The following ANKS6 variants were observed in gnomAD, a reference collection of about 807,000 sequenced individuals.
ANKS6 encodes the protein ankyrin repeat and sterile alpha motif domain containing 6.
A neutral mutation model predicts 77.9 loss-of-function variants in ANKS6; 47 were observed. That is an observed-to-expected ratio of 0.60 (90% CI 0.48 to 0.77). The LOEUF is 0.77. Among genes scored for constraint, ANKS6 ranks in the 30% least tolerant of loss-of-function variants. ANKS6 has a pLI of 0.00. For synonymous variants in ANKS6, 488 were observed against 501.7 expected, an observed-to-expected ratio of 0.97 and a Z score of 0.37; for missense variants, 1,150 against 1,159.1, an observed-to-expected ratio of 0.99 and a Z score of 0.11.
chr9:98,759,705 C>A (rs1832907460), intron 11 of ANKS6, among the ~76,000 whole-genome samples: 1 of 152,126 alleles, frequency 6.6e-6, no homozygotes, highest in Admixed American at 6.5e-5. Context: ...ATGGATGGAA[C>A]TGGAGGACAT....
At position 98,733,047 on chromosome 9, in the gene ANKS6, C is replaced by T; in HGVS notation, c.*3472G>A. Reference sequence around the variant, plus strand: ...GACTTTCCCTGAGCTGTATACCCAGCAGGCTTCATCACCACACCATCTCAC... The same window carrying T: ...GACTTTCCCTGAGCTGTATACCCAGTAGGCTTCATCACCACACCATCTCAC... On this transcript the variant is annotated 3_prime_UTR_variant, in exon 15 of 15. Transcript: ENST00000353234. The T allele has an allele frequency of 1.2e-6, 1 of 810,180 alleles. No homozygotes were observed. Among genetic ancestry groups the T allele is most frequent in the South Asian group, 5.3e-5 (1 of 18,704 alleles). The allele number at this position is 810,180 out of a possible 1,614,324, so 50.2% of individuals were successfully genotyped here. A position where few individuals can be genotyped will look rare whatever the true frequency, so the allele number is the denominator to read the frequency against.
At chr9:98,749,610 T>A (rs1253538905) in intron 13 of ANKS6, among the ~76,000 whole-genome samples, 1 of 152,190 alleles carries the variant, frequency 6.6e-6, no homozygotes, top group Non-Finnish European at 1.5e-5. Context: ...AGCAGAAGTG[T>A]ACTTTGAGAT....
At chr9:98,788,714 GT>G (rs1354847803) in intron 2 of ANKS6, among the ~76,000 whole-genome samples, 2 of 152,194 alleles carry the variant, frequency 1.3e-5, no homozygotes. Flanking sequence ...GAAGAGTCAT[GT>G]GTTAAACCAG....
chr9:98,773,969 T>TCCGGGA lies in ANKS6; in HGVS notation c.1723_1728dup (p.Ser575_Arg576dup), dbSNP rs1564206690. 6.3e-7 allele frequency: 1 copy of TCCGGGA among 1,586,478 alleles called. No homozygotes were observed. The highest frequency in any genetic ancestry group is 1.7e-5 in the Admixed American group (1 of 58,100). ...GGGTCTGCCTTCCCGTTGTGACGCG[T>TCCGGGA]CCGGGACCGATCAGAGCTCCACAGC... On this transcript the variant is annotated inframe_insertion, in exon 9 of 15. Coordinates refer to ENST00000353234, the MANE Select transcript of ANKS6 (RefSeq NM_173551.5).
intron 12 of ANKS6, among the ~76,000 whole-genome samples, chr9:98,755,089 A>T (rs1832622707): frequency 6.6e-6 from 1 of 152,170 alleles, no homozygotes; most frequent in African/African-American, 2.4e-5. Flanking sequence ...AAATGATCAC[A>T]CTGGATATCA....
In ANKS6 at chr9:98,778,376, G is replaced by T. The variant is rs750753647; in HGVS notation, c.1417C>A (p.Gln473Lys). ...CTGGACAGCCCACGGGGCAGCGTCT[G>T]CATCAGTTTGAGCTTTCGGAACCGA... ...SNRFRKLKLM[Q>K]TLPRGLSSNQ... The change falls in exon 7 of 15, where the codon CAG (glutamine) becomes AAG (lysine). Residue 473 changes from glutamine to lysine, a missense_variant. Transcript: ENST00000353234. 2 of 1,614,172 alleles carry T rather than the reference G, an allele frequency of 1.2e-6. No homozygotes were observed. The highest frequency in any genetic ancestry group is 1.7e-6 in the Non-Finnish European group (2 of 1,180,030).
At chr9:98,763,420 G>T (rs1417082255) in intron 11 of ANKS6, among the ~76,000 whole-genome samples, 1 of 152,038 alleles carries the variant, frequency 6.6e-6, no homozygotes, top group Non-Finnish European at 1.5e-5. Context: ...CTCAAGAGAA[G>T]GGGAAAATAT....
chr9:98,755,297 T>C (rs1236792991), intron 12 of ANKS6, among the ~76,000 whole-genome samples: 1 of 152,128 alleles, frequency 6.6e-6, no homozygotes, highest in African/African-American at 2.4e-5. Context: ...AATCAGATTT[T>C]CCTCCCTGCT....
chr9:98,737,495 A>C (rs6478845), intron 14 of ANKS6, among the ~76,000 whole-genome samples: 96,642 of 151,898 alleles, frequency 0.64, 31,662 homozygotes, highest in Non-Finnish European at 0.73. Flanking sequence ...AAAAAATAAA[A>C]AAAAAAAATA....
At chr9:98,749,757 T>C (rs939594891) in intron 13 of ANKS6, among the ~76,000 whole-genome samples, 6 of 152,190 alleles carry the variant, frequency 3.9e-5, no homozygotes, top group African/African-American at 1.4e-4. Context: ...AGACTGTATA[T>C]GGTAGAAAAG....
In ANKS6 at chr9:98,796,250, G is replaced by A. The variant is rs1446974566; in HGVS notation, c.242C>T (p.Ala81Val). 5 of 1,397,498 alleles carry A rather than the reference G, an allele frequency of 3.6e-6. No individual in the cohort carries two copies. Among genetic ancestry groups the A allele is most frequent in the Non-Finnish European group, 4.7e-6 (5 of 1,072,822 alleles). The allele number at this position is 1,397,498 out of a possible 1,614,324, so 86.6% of individuals were successfully genotyped here. ...VDCSDEAGNT[A>V]LQFAAAGGHE... Reference sequence around the variant, plus strand: ...GCCCCCGGCCGCGGCGAACTGCAGTGCGGTGTTGCCCGCCTCGTCCGAGCA... The same window carrying A: ...GCCCCCGGCCGCGGCGAACTGCAGTACGGTGTTGCCCGCCTCGTCCGAGCA... The change falls in exon 1 of 15, where the codon GCA (alanine) becomes GTA (valine). Residue 81 changes from alanine (A) to valine (V), a missense_variant. By Grantham distance (64) the Ala-to-Val change is moderately conservative. Transcript: ENST00000353234.
At chr9:98,748,193 A>G (rs1247935188) in intron 13 of ANKS6, among the ~76,000 whole-genome samples, 1 of 152,170 alleles carries the variant, frequency 6.6e-6, no homozygotes, top group African/African-American at 2.4e-5. Context: ...AATGAATGAC[A>G]GCATCAATCA....
At position 98,756,838 on chromosome 9, in the gene ANKS6, A is replaced by G. The variant is rs117048876; in HGVS notation, c.2143-235T>C. 0.01 allele frequency among the ~76,000 whole-genome samples: 1,530 copies of G among 152,216 alleles called. 16 individuals carry two copies. Among genetic ancestry groups the G allele is most frequent in the Non-Finnish European group, 0.017 (1,153 of 67,998 alleles). On this transcript the variant is annotated intron_variant, in intron 11 of 14. Transcript: ENST00000353234. ...TAAGATCAAATAGCTGCATATTATG[A>G]GTCAGGAACCACCCCGCTCCCCACC...
In ANKS6 at chr9:98,733,381, G is replaced by C; in HGVS notation, c.*3138C>G. ...GGGAAACAATGCCCTCCACCCTGCAGGAGAGCTCAGGGTGGAGCCTCAGCT... is the reference window on the plus strand; with the variant it reads ...GGGAAACAATGCCCTCCACCCTGCACGAGAGCTCAGGGTGGAGCCTCAGCT... On this transcript the variant is annotated 3_prime_UTR_variant, in exon 15 of 15. Coordinates refer to ENST00000353234, the MANE Select transcript of ANKS6 (RefSeq NM_173551.5). 1.0e-6 allele frequency: 1 copy of C among 985,480 alleles called. No homozygotes were observed. Among genetic ancestry groups the C allele is most frequent in the Non-Finnish European group, 1.2e-6 (1 of 830,000 alleles). The allele number at this position is 985,480 out of a possible 1,614,324, so 61.0% of individuals were successfully genotyped here.
At chr9:98,752,463 G>C (rs933617006) in intron 12 of ANKS6, among the ~76,000 whole-genome samples, 1 of 151,812 alleles carries the variant, frequency 6.6e-6, no homozygotes. Flanking sequence ...CTTCCTTCCA[G>C]CAGTGACTAC....
chr9:98,733,591 A>G lies in ANKS6; in HGVS notation c.*2928T>C. Reference sequence around the variant, plus strand: ...GCCTCTTGGTTGCCGCTGTTCCAGAAAAAGCGGGGCTTCTCCAATGGTGTC... The same window carrying G: ...GCCTCTTGGTTGCCGCTGTTCCAGAGAAAGCGGGGCTTCTCCAATGGTGTC... On this transcript the variant is annotated 3_prime_UTR_variant, in exon 15 of 15. Transcript: ENST00000353234. The G allele has an allele frequency of 1.0e-6, 1 of 985,486 alleles. No homozygotes were observed. Among genetic ancestry groups the G allele is most frequent in the Non-Finnish European group, 1.2e-6 (1 of 829,948 alleles). The allele number at this position is 985,486 out of a possible 1,614,324, so 61.0% of individuals were successfully genotyped here.
intron 6 of ANKS6, among the ~76,000 whole-genome samples, chr9:98,779,235 G>C (rs1011732625): frequency 1.3e-5 from 2 of 152,188 alleles, no homozygotes; most frequent in Non-Finnish European, 2.9e-5. Flanking sequence ...AGTAGAGCAG[G>C]ATGTGGAAGA....
At position 98,732,422 on chromosome 9, in the gene ANKS6, T is replaced by C; in HGVS notation, c.*4097A>G. The C allele has an allele frequency of 6.9e-7, 1 of 1,445,110 alleles. No homozygotes were observed. The highest frequency in any genetic ancestry group is 9.5e-7 in the Non-Finnish European group (1 of 1,056,000). The allele number at this position is 1,445,110 out of a possible 1,614,324, so 89.5% of individuals were successfully genotyped here. On this transcript the variant is annotated 3_prime_UTR_variant, in exon 15 of 15. Coordinates refer to ENST00000353234, the MANE Select transcript of ANKS6 (RefSeq NM_173551.5). The stretch of plus-strand genomic sequence containing the variant: ...AATCCAGTGACAGCAAGACCCAGAG[T>C]CAGGCACATTTGGAGGGCAGGTCCA...
chr9:98,793,237 G>A (rs1238941036), intron 1 of ANKS6, among the ~76,000 whole-genome samples: 12 of 152,210 alleles, frequency 7.9e-5, no homozygotes, highest in Non-Finnish European at 2.9e-5. Context: ...GCCGCTTCCA[G>A]GCACCAACAC....
Sources: gnomAD v4.1 joint callset for allele counts (sites outside exome capture counted in the v4.1 genomes callset) on GRCh38, gnomAD v4.1.1 for gene constraint, MANE v1.5 for transcripts, NCBI Gene and HGNC (gene_info 2026-07-23, HGNC 2026-07-21) for gene names.